KIF7: variants seen among roughly 807,000 people sequenced by gnomAD.
KIF7 encodes the protein kinesin-like protein KIF7.
Under a neutral mutation model 135.7 loss-of-function variants are expected in KIF7, and 104 were observed. The observed-to-expected ratio is 0.77, with a 90% CI of 0.65 to 0.90. The LOEUF (loss-of-function observed/expected upper bound fraction) is 0.90. Among genes scored for constraint, KIF7 ranks in the 40% least tolerant of loss-of-function variants. The pLI, the probability that KIF7 is intolerant of heterozygous loss-of-function variation, is 0.00. For synonymous variants in KIF7, 883 were observed against 809.4 expected (o/e 1.09, Z -1.54); for missense variants, 2,005 against 1,839.1 (o/e 1.09, Z -1.65).
chr15:89,654,479 C>T (rs1402579784), intron 1 of KIF7, among the ~76,000 whole-genome samples: 1 of 152,066 alleles, frequency 6.6e-6, no homozygotes, highest in African/African-American at 2.4e-5. Context: ...AGGCTGCAGC[C>T]ACCTTCTAAT....
chr15:89,625,480 G>C, downstream of KIF7: 1 of 1,613,982 alleles, frequency 6.2e-7, no homozygotes, highest in Non-Finnish European at 8.5e-7. Flanking sequence ...CAAGGACCAC[G>C]GCCTTGAACT....
chr15:89,630,455 C>T lies in KIF7; in HGVS notation c.3150G>A (p.Glu1050=), dbSNP rs1209106527. 1.3e-6 allele frequency: 2 copies of T among 1,570,142 alleles called. No individual in the cohort carries two copies. Among genetic ancestry groups the T allele is most frequent in the Admixed American group, 1.9e-5 (1 of 52,676 alleles). Residue 1050 remains glutamate (E), a synonymous_variant, in exon 16 of 19, where the codon GAG becomes GAA. Transcript: ENST00000394412. ...RTLFQLDEAI[E]ALDAAIEYKN... is the part of the protein sequence containing the mutation. The stretch of plus-strand genomic sequence containing the variant: ...TATACTCAATGGCAGCATCCAGGGC[C>T]TCGATGGCCTCATCCAACTGGAACA...
chr15:89,636,139 G>A lies in KIF7; in HGVS notation c.2395-2256C>T, dbSNP rs552670022. 1.4e-4 allele frequency among the ~76,000 whole-genome samples: 22 copies of A among 152,196 alleles called. No individual in the cohort carries two copies. The South Asian group carries it at 4.4e-3, about 30-fold the overall frequency. On this transcript the variant is annotated intron_variant, in intron 11 of 18. Transcript: ENST00000394412. ...AGACAAGCAAATGTTGAGAGATTTT[G>A]TCACACCCAGGCCTGCCCTAAAAGA...
downstream of KIF7, chr15:89,626,184 G>A (rs761468365): frequency 3.6e-5 from 38 of 1,044,414 alleles, no homozygotes; most frequent in Non-Finnish European, 4.7e-5. Flanking sequence ...AGGTGACTTC[G>A]CGCCTACAGC....
intron 11 of KIF7, among the ~76,000 whole-genome samples, chr15:89,635,607 C>T (rs1487635952): frequency 6.6e-6 from 1 of 151,790 alleles, no homozygotes; most frequent in Non-Finnish European, 1.5e-5. Context: ...TGAAATGAAG[C>T]GAGAAGGGAA....
chr15:89,659,923 A>T (rs1041869213), upstream of KIF7, among the ~76,000 whole-genome samples: 8 of 152,236 alleles, frequency 5.3e-5, no homozygotes, highest in African/African-American at 1.9e-4. Flanking sequence ...CAGGCCGGGC[A>T]TGGTAGCTCA....
chr15:89,645,364 C>G lies in KIF7; in HGVS notation c.2010G>C (p.Glu670Asp), dbSNP rs781476519. ...ERKGPELCLE[E>D]LDAAIPGSRA... is the part of the protein sequence containing the mutation. ...TGGACCCTGGAATGGCTGCATCCAA[C>G]TCCTCAAGGCAAAGCTCTGGGCCCT... Residue 670 changes from glutamate to aspartate, a missense_variant, in exon 9 of 19, where the codon GAG becomes GAC. By Grantham distance (45) the Glu-to-Asp change is conservative. Coordinates refer to ENST00000394412, the MANE Select transcript of KIF7 (RefSeq NM_198525.3). 1.4e-5 allele frequency: 23 copies of G among 1,614,004 alleles called. No homozygotes were observed. The highest frequency in any genetic ancestry group is 3.3e-4 in the Middle Eastern group (2 of 6,084).
chr15:89,649,234 G>A lies in KIF7; in HGVS notation c.663C>T (p.Phe221=). The change falls in exon 4 of 19, where the codon TTC becomes TTT. Residue 221 remains phenylalanine (F), a synonymous_variant. Coordinates refer to ENST00000394412, the MANE Select transcript of KIF7 (RefSeq NM_198525.3). The stretch of plus-strand genomic sequence containing the variant: ...GCCCCCGCTGCTCCAGGGTCACGGT[G>A]AAGACCGTGTGTGAGCGGCTAGACA... ...NHLSSRSHTV[F]TVTLEQRGRA... is the part of the protein sequence containing the mutation. The A allele has an allele frequency of 6.5e-7, 1 of 1,544,974 alleles. No individual in the cohort carries two copies. The highest frequency in any genetic ancestry group is 8.7e-7 in the Non-Finnish European group (1 of 1,143,948).
chr15:89,624,971 C>T (rs372930159), downstream of KIF7: 4 of 1,614,090 alleles, frequency 2.5e-6, no homozygotes, highest in Non-Finnish European at 3.4e-6. Flanking sequence ...ACAGACTCTG[C>T]CAGCCCACAG....
Position 89,652,833 on chromosome 15 carries a change from C to T in KIF7, c.98G>A (p.Gly33Glu), listed in dbSNP as rs2142036702. The change falls in exon 2 of 19, where the codon GGG becomes GAG. Residue 33 changes from glycine to glutamate, a missense_variant. Gly to Glu is a moderately conservative substitution (Grantham distance 98). Coordinates refer to ENST00000394412, the MANE Select transcript of KIF7 (RefSeq NM_198525.3). ...RPLLPKELLH[G>E]HQSCLQVEPG... ...CTCCACCTGCAGGCAGCTCTGATGC[C>T]CGTGCAGCAGCTCCTTGGGCAGCAG... 3.9e-6 allele frequency: 6 copies of T among 1,550,154 alleles called. No homozygotes were observed. Among genetic ancestry groups the T allele is most frequent in the East Asian group, 2.4e-5 (1 of 40,920 alleles).
At chr15:89,641,619 T>C (rs1963920653) in intron 11 of KIF7, among the ~76,000 whole-genome samples, 1 of 151,970 alleles carries the variant, frequency 6.6e-6, no homozygotes, top group Admixed American at 6.6e-5. Context: ...CTGGCTAACA[T>C]GGAGAAACCC....
At chr15:89,623,133 T>C (rs187181911), downstream of KIF7, among the ~76,000 whole-genome samples, 1 of 152,256 alleles carries the variant, frequency 6.6e-6, no homozygotes, top group African/African-American at 2.4e-5. Context: ...TGAGACATTA[T>C]CTTTGCTGCT....
chr15:89,648,643 C>T lies in KIF7; in HGVS notation c.1055G>A (p.Arg352His), dbSNP rs1342551459. 7 of 1,535,478 alleles carry T rather than the reference C, an allele frequency of 4.6e-6. No homozygotes were observed. In the Admixed American group the frequency reaches 1.2e-4, roughly 26 times the overall value. ...CTCGGGCCGCCAGTTGACCGTGGCG[C>T]GGTTGCGGATGTTCTGGGCGCGGCT... ...YASRAQNIRN[R>H]ATVNWRPEAE... Residue 352 changes from arginine (R) to histidine (H), a missense_variant, in exon 5 of 19, where the codon CGC becomes CAC. Physicochemically the swap from Arg to His is conservative, Grantham distance 29. Transcript: ENST00000394412.
upstream of KIF7, among the ~76,000 whole-genome samples, chr15:89,657,672 G>A (rs1253666057): frequency 6.6e-6 from 1 of 152,160 alleles, no homozygotes; most frequent in Non-Finnish European, 1.5e-5. Context: ...CTTTTAAAAT[G>A]TATACTGTAG....
intron 5 of KIF7, 29 bp downstream of exon 5, chr15:89,648,220 CCCACAA>C (rs775632453): frequency 4.3e-5 from 64 of 1,479,358 alleles, no homozygotes; most frequent in African/African-American, 1.7e-4. Flanking sequence ...CTCCCCACTG[CCCACAA>C]CCACAACCAC....
rs540955346 is a variant in KIF7, at chr15:89,640,528, C to A, written c.2394+1675G>T. Among the ~76,000 whole-genome samples the A allele has an allele frequency of 1.2e-4, 18 of 152,214 alleles. 1 individual carries two copies. Among genetic ancestry groups the A allele is most frequent in the Admixed American group, 1.2e-3 (18 of 15,290 alleles). ...GTAAGTGGTAGAACTGGGATTCAAACCTGAGCAGTCAGGCTCCAGAGCCCA... is the reference window on the plus strand; with the variant it reads ...GTAAGTGGTAGAACTGGGATTCAAAACTGAGCAGTCAGGCTCCAGAGCCCA... On this transcript the variant is annotated intron_variant, in intron 11 of 18. Coordinates refer to ENST00000394412, the MANE Select transcript of KIF7 (RefSeq NM_198525.3).
chr15:89,626,431 T>G (rs1201323305), downstream of KIF7, among the ~76,000 whole-genome samples: 1 of 152,236 alleles, frequency 6.6e-6, no homozygotes, highest in African/African-American at 2.4e-5. Flanking sequence ...CCGCATGTTC[T>G]GTATATTCGG....
chr15:89,648,995 T>G lies in KIF7; in HGVS notation c.902A>C (p.Tyr301Ser). The change falls in exon 4 of 19, where the codon TAC (tyrosine) becomes TCC (serine). Residue 301 changes from tyrosine to serine, a missense_variant. Transcript: ENST00000394412. ...TCACCGGGTGATCTTGGAGTCGCGG[T>G]AGGGTATGTGGCTGCCCCGGCGCTG... is the stretch of plus-strand genomic sequence containing the variant. Reference protein sequence around the residue: ...DPQRRGSHIPYRDSKITRILK... With the variant: ...DPQRRGSHIPSRDSKITRILK... The G allele has an allele frequency of 1.3e-6, 2 of 1,543,654 alleles. No homozygotes were observed.
At chr15:89,626,104 T>G (rs757645977), downstream of KIF7, 5 of 1,599,866 alleles carry the variant, frequency 3.1e-6, no homozygotes, top group Non-Finnish European at 4.3e-6. Flanking sequence ...TGTGACAGAC[T>G]GTCTGAATTC....
Sources: gnomAD v4.1 joint callset for allele counts (sites outside exome capture counted in the v4.1 genomes callset) on GRCh38, gnomAD v4.1.1 for gene constraint, MANE v1.5 for transcripts, NCBI Gene and HGNC (gene_info 2026-07-23, HGNC 2026-07-21) for gene names.